Variants in GRM7 observed in about 807,000 individuals in gnomAD.
GRM7 encodes the protein glutamate metabotropic receptor 7, also known as metabotropic glutamate receptor 7.
A neutral mutation model predicts 84.5 loss-of-function variants in GRM7; 35 were observed. The ratio of observed to expected loss-of-function variants is 0.41; its 90% CI spans 0.32 to 0.55. The LOEUF (loss-of-function observed/expected upper bound fraction) is 0.55. GRM7 is among the 20% of genes least tolerant of loss of function. The pLI is 0.19. For missense variants in GRM7, 1,003 were observed against 1,194.6 expected, an observed-to-expected ratio of 0.84 and a Z score of 2.36; for synonymous variants, 487 against 455.1, an observed-to-expected ratio of 1.07 and a Z score of -0.89.
At chr3:7,123,908 T>C (rs1693308733) in intron 1 of GRM7, among the ~76,000 whole-genome samples, 1 of 152,246 alleles carries the variant, frequency 6.6e-6, no homozygotes, top group African/African-American at 2.4e-5. Flanking sequence ...TGTTCAGTTG[T>C]ATTTTGAATA....
intron 8 of GRM7, among the ~76,000 whole-genome samples, chr3:7,663,246 ACTGGTCTCAG>A (rs1326527462): frequency 6.6e-6 from 1 of 152,150 alleles, no homozygotes; most frequent in African/African-American, 2.4e-5. Flanking sequence ...TGCAGACTCA[ACTGGTCTCAG>A]CTGGCATCGC....
At chr3:7,603,085 A>G (rs1696398759) in intron 8 of GRM7, among the ~76,000 whole-genome samples, 1 of 152,096 alleles carries the variant, frequency 6.6e-6, no homozygotes, top group Admixed American at 6.5e-5. Context: ...CTTAAAAAAT[A>G]AATTCTGCCC....
chr3:6,945,097 AC>A (rs1698016485), intron 1 of GRM7, among the ~76,000 whole-genome samples: 1 of 151,812 alleles, frequency 6.6e-6, no homozygotes, highest in Admixed American at 6.6e-5. Flanking sequence ...GTTTTAGGGT[AC>A]ATGTGCACAA....
chr3:7,263,859 G>A (rs907232381), intron 2 of GRM7, among the ~76,000 whole-genome samples: 3 of 152,160 alleles, frequency 2.0e-5, no homozygotes, highest in African/African-American at 7.2e-5. Context: ...CAGGGTGCGT[G>A]CTACAGGCAT....
chr3:7,278,321 T>TA (rs1348158386), intron 2 of GRM7, among the ~76,000 whole-genome samples: 7 of 151,986 alleles, frequency 4.6e-5, no homozygotes, highest in African/African-American at 7.2e-5. Flanking sequence ...AATATAAAAA[T>TA]AAAAAATTAA....
In GRM7 at chr3:7,080,824, TA is replaced by T. The variant is rs1393551988; in HGVS notation, c.520-65621del. Among the ~76,000 whole-genome samples the T allele has an allele frequency of 4.6e-5, 7 of 152,102 alleles. No individual in the cohort carries two copies. The South Asian group carries it at 1.2e-3, about 27-fold the overall frequency. ...TGGCAGATTATAAATAAGGACTTTT[TA>T]AAAAAATCATTCTTGCGTGTCCTAT... On this transcript the variant is annotated intron_variant, in intron 1 of 9. Transcript: ENST00000357716.
rs372742139 is a variant in GRM7, at chr3:6,924,000, C to G, written c.519+62093C>G. 3.3e-5 allele frequency among the ~76,000 whole-genome samples: 5 copies of G among 152,184 alleles called. No homozygotes were observed. The East Asian group carries it at 9.6e-4, about 29-fold the overall frequency. On this transcript the variant is annotated intron_variant, in intron 1 of 9. Coordinates refer to ENST00000357716, the MANE Select transcript of GRM7 (RefSeq NM_000844.4). ...ATCTGATACTTATTTAAGTTGGAGT[C>G]AGAAGACTTGAGCTTTCTCTAACTT...
chr3:7,058,460 T>C (rs1355610159), intron 1 of GRM7, among the ~76,000 whole-genome samples: 1 of 151,926 alleles, frequency 6.6e-6, no homozygotes, highest in East Asian at 1.9e-4. Flanking sequence ...AAATTACTTA[T>C]GCTTCTAGAT....
intron 1 of GRM7, among the ~76,000 whole-genome samples, chr3:6,975,014 TAGC>T (rs1221436102): frequency 1.3e-5 from 2 of 152,158 alleles, no homozygotes; most frequent in Non-Finnish European, 2.9e-5. Context: ...TGGGCAGTTT[TAGC>T]AGAGGAAGTA....
intron 1 of GRM7, among the ~76,000 whole-genome samples, chr3:6,987,560 G>T (rs1694463974): frequency 6.6e-6 from 1 of 152,158 alleles, no homozygotes; most frequent in Non-Finnish European, 1.5e-5. Flanking sequence ...AAGCTTCAAG[G>T]CAGGAGTGAA....
chr3:7,729,665 T>C (rs1451181210), intron 9 of GRM7, among the ~76,000 whole-genome samples: 2 of 152,160 alleles, frequency 1.3e-5, no homozygotes, highest in South Asian at 2.1e-4. Context: ...GGTGATTTTA[T>C]AGAATATAAG....
chr3:7,224,995 T>A (rs1696936631), intron 2 of GRM7, among the ~76,000 whole-genome samples: 1 of 152,174 alleles, frequency 6.6e-6, no homozygotes, highest in Non-Finnish European at 1.5e-5. Flanking sequence ...TTTTCTTTAG[T>A]TTTTACAGCT....
Position 7,412,717 on chromosome 3 carries a change from C to T in GRM7, c.1034-2306C>T, listed in dbSNP as rs80133578. 7.9e-3 allele frequency among the ~76,000 whole-genome samples: 1,207 copies of T among 152,172 alleles called. 15 individuals carry two copies. Among genetic ancestry groups the T allele is most frequent in the African/African-American group, 0.026 (1,077 of 41,506 alleles). ...CAATGGGGCATTTGCTTCAGAAGCA[C>T]CTGGAGATTAATTTTTGAAATTAAA... On this transcript the variant is annotated intron_variant, in intron 4 of 9. Coordinates refer to ENST00000357716, the MANE Select transcript of GRM7 (RefSeq NM_000844.4).
chr3:6,955,865 A>T (rs1194614245), intron 1 of GRM7, among the ~76,000 whole-genome samples: 1 of 151,858 alleles, frequency 6.6e-6, no homozygotes, highest in Non-Finnish European at 1.5e-5. Flanking sequence ...ATAGAATGAC[A>T]TTCTTTTCCT....
intron 9 of GRM7, chr3:7,693,659 T>C: frequency 6.5e-7 from 1 of 1,531,254 alleles, no homozygotes; most frequent in Non-Finnish European, 8.8e-7. Context: ...CTACTGACCA[T>C]CTGCACTGGC....
chr3:7,031,526 C>T (rs1031064995), intron 1 of GRM7, among the ~76,000 whole-genome samples: 1 of 151,998 alleles, frequency 6.6e-6, no homozygotes, highest in Non-Finnish European at 1.5e-5. Context: ...ATGCCATTCT[C>T]CTGCCCCAGC....
At chr3:7,139,918 G>A (rs1693893882) in intron 1 of GRM7, among the ~76,000 whole-genome samples, 1 of 151,996 alleles carries the variant, frequency 6.6e-6, no homozygotes, top group Non-Finnish European at 1.5e-5. Context: ...ACCAGTATCT[G>A]ATAAGGAGAT....
intron 1 of GRM7, among the ~76,000 whole-genome samples, chr3:7,127,857 C>A (rs979190367): frequency 1.3e-5 from 2 of 151,998 alleles, no homozygotes; most frequent in Admixed American, 6.6e-5. Context: ...AGAGACTTAT[C>A]TGTGAGATGT....
At chr3:7,433,229 C>A (rs1203681889) in intron 5 of GRM7, among the ~76,000 whole-genome samples, 1 of 152,124 alleles carries the variant, frequency 6.6e-6, no homozygotes, top group Non-Finnish European at 1.5e-5. Flanking sequence ...ATCAAGAAGT[C>A]TACATAAGCA....
Sources: gnomAD v4.1 joint callset for allele counts (sites outside exome capture counted in the v4.1 genomes callset) on GRCh38, gnomAD v4.1.1 for gene constraint, MANE v1.5 for transcripts, NCBI Gene and HGNC (gene_info 2026-07-23, HGNC 2026-07-21) for gene names.